The following DNAH6 variants were observed in gnomAD, a reference collection of about 807,000 sequenced individuals.
DNAH6 encodes dynein axonemal heavy chain 6.
Under a neutral mutation model 491.4 loss-of-function variants are expected in DNAH6, and 340 were observed. The observed-to-expected ratio is 0.69, with a 90% CI of 0.63 to 0.76. DNAH6 has a LOEUF of 0.76. Among genes scored for constraint, DNAH6 ranks in the 30% least tolerant of loss-of-function variants. The pLI is 0.00. For missense variants in DNAH6, 4,443 were observed against 4,972.2 expected, an observed-to-expected ratio of 0.89 and a Z score of 3.20; for synonymous variants, 1,603 against 1,686.1, an observed-to-expected ratio of 0.95 and a Z score of 1.21.
At chr2:84,693,275 G>A (rs1394922742) in intron 45 of DNAH6, among the ~76,000 whole-genome samples, 1 of 151,874 alleles carries the variant, frequency 6.6e-6, no homozygotes, top group Non-Finnish European at 1.5e-5. Context: ...CTGGAGTTTG[G>A]CCTCTACTTT....
intron 4 of DNAH6, among the ~76,000 whole-genome samples, chr2:84,538,770 C>T (rs1302743081): frequency 1.3e-5 from 2 of 152,048 alleles, no homozygotes; most frequent in Non-Finnish European, 2.9e-5. Flanking sequence ...GGACATGTTC[C>T]TTCTAAACAA....
At chr2:84,732,897 CTGTT>C (rs1231387161) in intron 61 of DNAH6, among the ~76,000 whole-genome samples, 5 of 152,242 alleles carry the variant, frequency 3.3e-5, no homozygotes, top group African/African-American at 1.2e-4. Context: ...TCTTTTAAAA[CTGTT>C]TGCCCACATG....
At chr2:84,746,120 T>C (rs1055199521) in intron 63 of DNAH6, among the ~76,000 whole-genome samples, 11 of 152,284 alleles carry the variant, frequency 7.2e-5, no homozygotes, top group African/African-American at 2.4e-4. Flanking sequence ...ATTCTACAGC[T>C]ATCAGAGTGG....
chr2:84,651,338 A>G (rs1234680578), intron 33 of DNAH6, among the ~76,000 whole-genome samples: 1 of 152,134 alleles, frequency 6.6e-6, no homozygotes, highest in Non-Finnish European at 1.5e-5. Context: ...GTACATCCCT[A>G]TTTGGCCTTC....
rs1020610021 is a variant in DNAH6, at chr2:84,621,215, G to T, written c.3817G>T (p.Ala1273Ser). ...GGTTAGCTTGGGGAAAGGCCTCAAG[G>T]CCCGAGGCAATGTAGAGGAATGGCT... ...ERVSLGKGLKARGNVEEWLGK... is the reference protein window; with the variant it reads ...ERVSLGKGLKSRGNVEEWLGK... Residue 1273 changes from alanine to serine, a missense_variant, in exon 25 of 77, where the codon GCC (alanine) becomes TCC (serine). By Grantham distance (99) the Ala-to-Ser change is moderately conservative (BLOSUM62 1). Transcript: ENST00000389394. 1.9e-6 allele frequency: 3 copies of T among 1,551,570 alleles called. No homozygotes were observed. Among genetic ancestry groups the T allele is most frequent in the Admixed American group, 3.9e-5 (2 of 50,992 alleles).
chr2:84,756,365 G>T lies in DNAH6; in HGVS notation c.10513-6390G>T, dbSNP rs754829221. Reference sequence around the variant, plus strand: ...TAATTATTACCAATTTAAAGTTTGAGTTACTGTAATTCTCATAACCTGTTT... The same window carrying T: ...TAATTATTACCAATTTAAAGTTTGATTTACTGTAATTCTCATAACCTGTTT... On this transcript the variant is annotated intron_variant, in intron 63 of 76. Transcript: ENST00000389394. Among the ~76,000 whole-genome samples the T allele has an allele frequency of 1.3e-4, 20 of 152,294 alleles. No homozygotes were observed. The East Asian group carries it at 2.9e-3, about 22-fold the overall frequency.
chr2:84,802,292 C>T (rs1388154263), intron 70 of DNAH6, among the ~76,000 whole-genome samples: 7 of 152,162 alleles, frequency 4.6e-5, no homozygotes, highest in Non-Finnish European at 1.0e-4. Context: ...CAAGACCCAT[C>T]GTTCTGCTGT....
At chr2:84,673,733 G>A (rs1033609549) in intron 40 of DNAH6, among the ~76,000 whole-genome samples, 8 of 152,206 alleles carry the variant, frequency 5.3e-5, no homozygotes, top group Admixed American at 5.2e-4. Context: ...GATGTAGTCT[G>A]GAAGGCTAGG....
At chr2:84,642,739 C>T (rs981873742) in intron 33 of DNAH6, among the ~76,000 whole-genome samples, 13 of 151,970 alleles carry the variant, frequency 8.6e-5, no homozygotes, top group African/African-American at 2.2e-4. Context: ...TAATAACAAT[C>T]GTATTTCTCC....
rs1280206627 is a variant in DNAH6 at position 84,653,437 on chromosome 2, G to A, written c.5197G>A (p.Val1733Ile). ...AAATCTTCAGCCTGAGATGTGTATGGTTAGAAAGGTGATACAGTTTTATGA... is the reference window on the plus strand; with the variant it reads ...AAATCTTCAGCCTGAGATGTGTATGATTAGAAAGGTGATACAGTTTTATGA... The part of the protein sequence containing the change: ...RQNLQPEMCM[V>I]RKVIQFYETM... The change falls in exon 34 of 77, where the codon GTT becomes ATT. Residue 1733 changes from valine to isoleucine, a missense_variant. Val to Ile is a conservative substitution (Grantham distance 29). This residue lies in a region of DNAH6 where 2,977 missense variants were observed against 3,296.6 expected (regional missense o/e 0.90). Transcript: ENST00000389394. 4 of 1,551,182 alleles carry A rather than the reference G, an allele frequency of 2.6e-6. No homozygotes were observed. The highest frequency in any genetic ancestry group is 3.5e-6 in the Non-Finnish European group (4 of 1,146,656).
Position 84,709,440 on chromosome 2 carries a change from G to A in DNAH6, c.9146G>A (p.Arg3049Gln), listed in dbSNP as rs771318535. ...INILGDPYEI[R>Q]QWNTDGLPRD... ...ATTCTTGGAGATCCCTACGAGATAC[G>A]GCAGTGGAACACTGATGGGCTGCCC... The change falls in exon 55 of 77, where the codon CGG becomes CAG. Residue 3049 changes from arginine (R) to glutamine (Q), a missense_variant. By Grantham distance (43) the Arg-to-Gln change is conservative (BLOSUM62 1). This residue lies in a region of DNAH6 where 1,463 missense variants were observed against 1,656.6 expected (regional missense o/e 0.88). Coordinates refer to ENST00000389394, the MANE Select transcript of DNAH6 (RefSeq NM_001370.2). 35 of 1,551,646 alleles carry A rather than the reference G, an allele frequency of 2.3e-5. No homozygotes were observed. Among genetic ancestry groups the A allele is most frequent in the Admixed American group, 5.9e-5 (3 of 50,986 alleles).
intron 9 of DNAH6, among the ~76,000 whole-genome samples, chr2:84,552,475 T>C (rs1195910140): frequency 1.3e-5 from 2 of 152,220 alleles, no homozygotes; most frequent in African/African-American, 4.8e-5. Flanking sequence ...TCATTTGTAT[T>C]TTGCTTTCAA....
rs185668446 is a variant in DNAH6, at chr2:84,610,125, T to C, written c.3295-1549T>C. ...TCACTCCAGTTGTTGGCAGAAATTA[T>C]TTTCTTGGAATTCTTGGGCTAAGGG... On this transcript the variant is annotated intron_variant, in intron 21 of 76. Transcript: ENST00000389394. 3.2e-3 allele frequency among the ~76,000 whole-genome samples: 494 copies of C among 152,166 alleles called. 3 individuals carry two copies. Among genetic ancestry groups the C allele is most frequent in the Non-Finnish European group, 4.1e-3 (277 of 67,990 alleles).
rs1680594374 is a variant in DNAH6 at position 84,560,833 on chromosome 2, C to A, written c.1803+2898C>A. On this transcript the variant is annotated intron_variant, in intron 11 of 76. Transcript: ENST00000389394. ...CATAGTATTCCATGGTGTATATGTGCCACATTTTCTTAATCCCGTCTATCA... is the reference window on the plus strand; with the variant it reads ...CATAGTATTCCATGGTGTATATGTGACACATTTTCTTAATCCCGTCTATCA... Among the ~76,000 whole-genome samples the A allele has an allele frequency of 2.6e-5, 4 of 152,044 alleles. No homozygotes were observed. In the South Asian group the frequency reaches 8.3e-4, roughly 32 times the overall value.
chr2:84,477,910 C>T, the DNAH6 span, among the ~76,000 whole-genome samples: 3 of 152,346 alleles, frequency 2.0e-5, no homozygotes, highest in Middle Eastern at 3.4e-3. Flanking sequence ...AGAACCTTCT[C>T]TATGCCCAGT....
chr2:84,564,267 A>G (rs187443026), intron 11 of DNAH6, among the ~76,000 whole-genome samples: 5 of 152,266 alleles, frequency 3.3e-5, no homozygotes, highest in East Asian at 3.9e-4. Flanking sequence ...ATTGCATTGA[A>G]TCTGTAAATT....
At chr2:84,795,977 GCAAT>G (rs1250467148) in intron 68 of DNAH6, among the ~76,000 whole-genome samples, 1 of 152,020 alleles carries the variant, frequency 6.6e-6, no homozygotes, top group Non-Finnish European at 1.5e-5. Flanking sequence ...TTAGAATACT[GCAAT>G]CAATGATAAG....
chr2:84,469,402 C>T, the DNAH6 span, among the ~76,000 whole-genome samples: 15 of 152,168 alleles, frequency 9.9e-5, no homozygotes, highest in Admixed American at 9.2e-4. This position sits in a 1 kb window ranked among gnomAD's most constrained non-coding sequence, Gnocchi z 4.0. Flanking sequence ...CTCTGCTTAG[C>T]ACCCATTATC....
rs1696125309 is a variant in DNAH6, at chr2:84,703,454, T to C, written c.8121T>C (p.Asp2707=). The C allele has an allele frequency of 1.3e-6, 2 of 1,549,678 alleles. No individual in the cohort carries two copies. Among genetic ancestry groups the C allele is most frequent in the Admixed American group, 2.0e-5 (1 of 50,830 alleles). The change falls in exon 50 of 77, where the codon GAT becomes GAC. Residue 2707 remains aspartate (D), a synonymous_variant. Coordinates refer to ENST00000389394, the MANE Select transcript of DNAH6 (RefSeq NM_001370.2). ...TACTAGAAACAAACATACTAGTAGA[T>C]AAAATGAAACTAGATCTTTCAGCTT... The part of the protein sequence containing the change: ...TKLLETNILV[D]KMKLDLSALE...
Sources: gnomAD v4.1 joint callset for allele counts (sites outside exome capture counted in the v4.1 genomes callset) on GRCh38, gnomAD v4.1.1 for gene constraint, gnomAD v4.1.1 regional missense constraint, Gnocchi (gnomAD v3.1) non-coding constraint, MANE v1.5 for transcripts, NCBI Gene and HGNC (gene_info 2026-07-23, HGNC 2026-07-21) for gene names.